Variants in MROH9 observed in about 807,000 individuals in gnomAD.
The protein encoded by MROH9 is maestro heat-like repeat-containing protein family member 9.
MROH9 carries 92 observed loss-of-function variants against 98.2 expected under a neutral mutation model. The ratio of observed to expected loss-of-function variants is 0.94; its 90% CI spans 0.79 to 1.11. MROH9 has a LOEUF of 1.11. Among genes scored for constraint, MROH9 ranks in the 50% most tolerant of loss-of-function variants. MROH9 has a pLI of 0.00. For synonymous variants in MROH9, 397 were observed against 368.9 expected, an observed-to-expected ratio of 1.08 and a Z score of -0.87; for missense variants, 1,057 against 1,014.8, an observed-to-expected ratio of 1.04 and a Z score of -0.57.
chr1:171,029,495 A>G (rs115420080), intron 20 of MROH9, among the ~76,000 whole-genome samples: 167 of 152,260 alleles, frequency 1.1e-3, no homozygotes, highest in African/African-American at 2.9e-3. Flanking sequence ...AAGAGTTTTT[A>G]ACTTGAAGGG....
At chr1:171,062,215 A>G in intron 21 of MROH9, 21 bp downstream of exon 21, 1 of 1,496,992 alleles carries the variant, frequency 6.7e-7, no homozygotes, top group Non-Finnish European at 9.1e-7. Context: ...AGGTTATAAC[A>G]AAATCTTTAT....
chr1:170,970,751 AG>A (rs1276467591), intron 7 of MROH9, among the ~76,000 whole-genome samples: 75 of 143,292 alleles, frequency 5.2e-4, no homozygotes, highest in Middle Eastern at 4.0e-3. Context: ...AGAGAGAGAG[AG>A]AGAGAGAGAG....
chr1:170,938,011 A>G (rs1174517146), intron 1 of MROH9, among the ~76,000 whole-genome samples: 1 of 152,158 alleles, frequency 6.6e-6, no homozygotes, highest in Admixed American at 6.5e-5. Flanking sequence ...ACACAGTAAT[A>G]CTAAGAGACA....
chr1:171,025,896 A>G (rs1652694127), intron 20 of MROH9, among the ~76,000 whole-genome samples: 1 of 152,200 alleles, frequency 6.6e-6, no homozygotes, highest in Non-Finnish European at 1.5e-5. Flanking sequence ...AGTTTTTTAT[A>G]TCAGACAAAC....
intron 1 of MROH9, among the ~76,000 whole-genome samples, chr1:170,944,666 A>C (rs1312549175): frequency 6.6e-6 from 1 of 152,114 alleles, no homozygotes; most frequent in Non-Finnish European, 1.5e-5. Context: ...CTTTAAAATA[A>C]GCTTTGAGGC....
At chr1:171,027,644 T>C (rs893201208) in intron 20 of MROH9, among the ~76,000 whole-genome samples, 1 of 152,250 alleles carries the variant, frequency 6.6e-6, no homozygotes, top group Non-Finnish European at 1.5e-5. Context: ...TATTCCACAA[T>C]GGTTGAAATA....
intron 20 of MROH9, among the ~76,000 whole-genome samples, chr1:171,055,377 C>A (rs768586314): frequency 2.0e-5 from 3 of 152,096 alleles, no homozygotes; most frequent in Non-Finnish European, 4.4e-5. Flanking sequence ...AATCCCAGCA[C>A]TTTGGGAGGC....
chr1:171,013,501 C>CCCTGG (rs1209623372), intron 15 of MROH9, among the ~76,000 whole-genome samples: 13 of 152,274 alleles, frequency 8.5e-5, no homozygotes, highest in African/African-American at 3.1e-4. Context: ...AAAAAAATGT[C>CCCTGG]TTCCAAAAAC....
intron 20 of MROH9, among the ~76,000 whole-genome samples, chr1:171,038,572 A>T (rs72710589): frequency 0.089 from 13,567 of 152,252 alleles, 756 homozygotes; most frequent in Middle Eastern, 0.22. Flanking sequence ...GCATCATTGT[A>T]CACTGCCATC....
At chr1:171,055,990 G>A (rs1653827382) in intron 20 of MROH9, among the ~76,000 whole-genome samples, 1 of 152,160 alleles carries the variant, frequency 6.6e-6, no homozygotes, top group African/African-American at 2.4e-5. Context: ...TTTTTCCACA[G>A]AACTATGAAA....
intron 15 of MROH9, among the ~76,000 whole-genome samples, chr1:171,009,236 A>T (rs1652065214): frequency 1.3e-5 from 2 of 152,002 alleles, no homozygotes. Context: ...ATAAAATTAA[A>T]TCAAGAAGAA....
At chr1:170,982,518 T>C (rs1228492063) in intron 8 of MROH9, among the ~76,000 whole-genome samples, 5 of 152,170 alleles carry the variant, frequency 3.3e-5, no homozygotes, top group Admixed American at 6.5e-5. Context: ...AGACAATAGA[T>C]ATGTTCATTT....
At chr1:171,016,640 C>G (rs1271905677) in intron 17 of MROH9, among the ~76,000 whole-genome samples, 1 of 152,192 alleles carries the variant, frequency 6.6e-6, no homozygotes, top group East Asian at 1.9e-4. Flanking sequence ...CCTCTTCCAC[C>G]TCTTATTGGC....
intron 1 of MROH9, among the ~76,000 whole-genome samples, chr1:170,940,508 C>A (rs1649082666): frequency 6.6e-6 from 1 of 152,178 alleles, no homozygotes; most frequent in South Asian, 2.1e-4. Flanking sequence ...GCCTTTCCAG[C>A]TGAACACAAA....
chr1:170,982,122 TACAA>T (rs1235072688), intron 8 of MROH9, among the ~76,000 whole-genome samples: 1 of 152,188 alleles, frequency 6.6e-6, no homozygotes, highest in Non-Finnish European at 1.5e-5. Context: ...CAATTGTTCG[TACAA>T]ACACTTACTG....
At chr1:170,939,592 G>A (rs1649037716) in intron 1 of MROH9, among the ~76,000 whole-genome samples, 1 of 152,148 alleles carries the variant, frequency 6.6e-6, no homozygotes, top group Non-Finnish European at 1.5e-5. Flanking sequence ...ACTGGCTTTT[G>A]GCCATTTCTT....
intron 20 of MROH9, among the ~76,000 whole-genome samples, chr1:171,049,611 C>G (rs940489897): frequency 6.6e-6 from 1 of 152,214 alleles, no homozygotes; most frequent in Admixed American, 6.5e-5. Context: ...TGGCCGCTTA[C>G]ATGTCTTCTT....
intron 2 of MROH9, among the ~76,000 whole-genome samples, chr1:170,946,143 T>C (rs1360947898): frequency 6.6e-6 from 1 of 151,844 alleles, no homozygotes; most frequent in Non-Finnish European, 1.5e-5. Flanking sequence ...AAAGATGAAG[T>C]TGAATATTTG....
intron 20 of MROH9, among the ~76,000 whole-genome samples, chr1:171,058,122 G>GT (rs1427432005): frequency 6.6e-6 from 1 of 152,132 alleles, no homozygotes; most frequent in Non-Finnish European, 1.5e-5. Context: ...TCCTTAAGCT[G>GT]ATAAGCAACT....
Sources: allele counts gnomAD v4.1 joint callset (sites outside exome capture counted in the v4.1 genomes callset), GRCh38; gene constraint gnomAD v4.1.1; transcripts MANE v1.5; gene names NCBI Gene and HGNC (gene_info 2026-07-23, HGNC 2026-07-21).